PLD4: variants seen among roughly 807,000 people sequenced by gnomAD.
The protein encoded by PLD4 is 5'-3' exonuclease PLD4.
In PLD4, 54 loss-of-function variants were observed where a neutral mutation model predicts 52.3. The observed-to-expected ratio is 1.03, with a 90% confidence interval of 0.83 to 1.30. The LOEUF (loss-of-function observed/expected upper bound fraction) is 1.30, where lower values mean the gene tolerates loss of function less well. PLD4 is among the 50% of genes most tolerant of loss of function. The pLI, the probability that PLD4 is intolerant of heterozygous loss-of-function variation, is 0.00. For synonymous variants in PLD4, 264 were observed against 286.5 expected (o/e 0.92, Z 0.79); for missense variants, 731 against 671.1 (o/e 1.09, Z -0.99).
Position 104,927,245 on chromosome 14 carries a change from C to T in PLD4, c.90+15C>T. The T allele has an allele frequency of 6.5e-7, 1 of 1,527,992 alleles. No individual in the cohort carries two copies. The highest frequency in any genetic ancestry group is 2.5e-5 in the East Asian group (1 of 40,620). 94.7% of individuals were successfully genotyped at this position (1,527,992 alleles called of 1,614,324 possible). ...AGGCTGGCACGGTAGGACTGGGGGG[C>T]CCCAGGGGGGAGGTGGCTGGGATCA... On this transcript the variant is annotated intron_variant, in intron 2 of 10. Coordinates refer to ENST00000392593, the MANE Select transcript of PLD4 (RefSeq NM_138790.5).
rs200388619 is a variant in PLD4 at position 104,931,883 on chromosome 14, C to A, written c.1054C>A (p.Pro352Thr). 98 of 1,540,144 alleles carry A rather than the reference C, an allele frequency of 6.4e-5. No individual in the cohort carries two copies. Among genetic ancestry groups the A allele is most frequent in the Non-Finnish European group, 8.0e-5 (91 of 1,139,774 alleles). Reference protein sequence around the residue: ...YFPTTRFSHPPRYWPVLDNAL... With the variant: ...YFPTTRFSHPTRYWPVLDNAL... Reference sequence around the variant, plus strand: ...CCCCACCACGCGCTTCAGCCACCCCCCGAGGTAGGTCTGAGTGGGAGGTGG... The same window carrying A: ...CCCCACCACGCGCTTCAGCCACCCCACGAGGTAGGTCTGAGTGGGAGGTGG... The change falls in exon 8 of 11, where the codon CCG becomes ACG. Residue 352 changes from proline to threonine, a missense_variant. Transcript: ENST00000392593.
chr14:104,927,343 G>T, intron 2 of PLD4, 113 bp downstream of exon 2: 1 of 963,218 alleles, frequency 1.0e-6, no homozygotes, highest in African/African-American at 1.6e-5. Context: ...AAGCAGAGGT[G>T]CCCTGACTGG....
chr14:104,932,069 C>T lies in PLD4; in HGVS notation c.1116C>T (p.Arg372=). The change falls in exon 9 of 11, where the codon CGC becomes CGT. Residue 372 remains arginine, a synonymous_variant. Transcript: ENST00000392593. This position sits in a 1 kb window ranked among gnomAD's most constrained non-coding sequence, Gnocchi z 6.5. ...CGGCAGCCTTCGGCAAGGGCGTGCG[C>T]GTGCGCCTGCTGGTCGGCTGCGGAC... The part of the protein sequence containing the change: ...LRAAAFGKGV[R]VRLLVGCGLN... The T allele has an allele frequency of 6.2e-7, 1 of 1,608,962 alleles. No individual in the cohort carries two copies. The highest frequency in any genetic ancestry group is 1.1e-5 in the South Asian group (1 of 90,722).
chr14:104,931,773 AG>A lies in PLD4; in HGVS notation c.947del (p.Gly316AlafsTer12). The part of the protein sequence containing the change: ...FSASPPALCP[Q>X]GRTRDLEALL... ...GCGTCGCCACCAGCACTCTGTCCCCAGGGCCGCACCCGGGACCTGGAGGCGC... is the reference window on the plus strand; with the variant it reads ...GCGTCGCCACCAGCACTCTGTCCCCAGGCCGCACCCGGGACCTGGAGGCGC... On this transcript the variant is annotated frameshift_variant, in exon 8 of 11. Transcript: ENST00000392593. LOFTEE classifies it high-confidence loss of function. 1 of 1,588,548 alleles carries A rather than the reference AG, an allele frequency of 6.3e-7. No individual in the cohort carries two copies. The highest frequency in any genetic ancestry group is 8.6e-7 in the Non-Finnish European group (1 of 1,168,718).
intron 6 of PLD4, 82 bp downstream of exon 6, chr14:104,930,187 A>C: frequency 6.4e-7 from 1 of 1,564,760 alleles, no homozygotes; most frequent in Non-Finnish European, 8.7e-7. Flanking sequence ...CTGACATCTC[A>C]GTGCATCTGG....
At chr14:104,934,605 C>T (rs1026773135), downstream of PLD4, 2 of 152,144 alleles carry the variant, frequency 1.3e-5, no homozygotes, top group African/African-American at 4.8e-5. Context: ...CTGAATGGAC[C>T]CCAGGGTGCC....
chr14:104,933,031 C>A lies in PLD4; in HGVS notation c.*67C>A, dbSNP rs1056601110. ...CCCTCCCCTCTGACCCCGGCCTGGG[C>A]TTCAGCCGCTTCCTCCCGCAAGCAG... On this transcript the variant is annotated 3_prime_UTR_variant, in exon 11 of 11. Transcript: ENST00000392593. 1 of 1,446,984 alleles carries A rather than the reference C, an allele frequency of 6.9e-7. No individual in the cohort carries two copies. The highest frequency in any genetic ancestry group is 9.1e-7 in the Non-Finnish European group (1 of 1,095,572). The allele number at this position is 1,446,984 out of a possible 1,614,324, so 89.6% of individuals were successfully genotyped here. A position where few individuals can be genotyped will look rare whatever the true frequency, so the allele number is the denominator to read the frequency against.
rs779064027 is a variant in PLD4 at position 104,927,771 on chromosome 14, G to A, written c.189G>A (p.Val63=). Reference sequence around the variant, plus strand: ...CCCGTCCTCCCACCTGGGGCCAGGTGCAGCCCAAGGACGTGCCCAGGTCCT... The same window carrying A: ...CCCGTCCTCCCACCTGGGGCCAGGTACAGCCCAAGGACGTGCCCAGGTCCT... ...QVPRPPTWGQ[V]QPKDVPRSWE... The change falls in exon 3 of 11, where the codon GTG becomes GTA. Residue 63 remains valine (V), a synonymous_variant. Coordinates refer to ENST00000392593, the MANE Select transcript of PLD4 (RefSeq NM_138790.5). 22 of 1,599,124 alleles carry A rather than the reference G, an allele frequency of 1.4e-5. No individual in the cohort carries two copies. Among genetic ancestry groups the A allele is most frequent in the African/African-American group, 1.2e-4 (9 of 74,816 alleles).
In PLD4 at chr14:104,932,699, G is replaced by A. The variant is rs928613475; in HGVS notation, c.1322-66G>A. On this transcript the variant is annotated intron_variant, in intron 10 of 10. Coordinates refer to ENST00000392593, the MANE Select transcript of PLD4 (RefSeq NM_138790.5). The surrounding 1 kb of genome is among the most constrained non-coding windows in gnomAD (Gnocchi z 6.5). ...CCCCAAACCCGTAGCCGGGCCTGGC[G>A]CTGAGCGGGCTGCAGAGGGGCCTGT... is the stretch of plus-strand genomic sequence containing the variant. 6 of 1,424,986 alleles carry A rather than the reference G, an allele frequency of 4.2e-6. No homozygotes were observed. The highest frequency in any genetic ancestry group is 4.9e-4 in the Middle Eastern group (2 of 4,058). 88.3% of individuals were successfully genotyped at this position (1,424,986 alleles called of 1,614,324 possible).
At position 104,929,910 on chromosome 14, in the gene PLD4, G is replaced by A; in HGVS notation, c.590-68G>A. 1.9e-6 allele frequency: 3 copies of A among 1,573,722 alleles called. No individual in the cohort carries two copies. In the South Asian group the frequency reaches 3.5e-5, roughly 18 times the overall value. ...TCAACCCCACTGTCAAGAGCTTGGG[G>A]TCAGGCTCACCATGAAGCTAGCACT... On this transcript the variant is annotated intron_variant, in intron 5 of 10. Coordinates refer to ENST00000392593, the MANE Select transcript of PLD4 (RefSeq NM_138790.5).
intron 6 of PLD4, 154 bp from the exon 7 acceptor site, chr14:104,930,588 C>G: frequency 2.7e-6 from 2 of 748,526 alleles, no homozygotes; most frequent in South Asian, 1.8e-5. Context: ...CACCAGCACA[C>G]TCTATTACAG....
Position 104,928,985 on chromosome 14 carries a change from A to AG in PLD4, c.468+55dup, listed in dbSNP as rs1241458268. On this transcript the variant is annotated intron_variant, in intron 4 of 10. Transcript: ENST00000392593. ...CCTGGTGCTGGAAACACAGCAAGTCAGGCTGCCTATCTATGCAGGCGTCTC... is the reference window on the plus strand; with the variant it reads ...CCTGGTGCTGGAAACACAGCAAGTCAGGGCTGCCTATCTATGCAGGCGTCTC... 2.5e-5 allele frequency: 39 copies of AG among 1,549,108 alleles called. No individual in the cohort carries two copies. The African/African-American group carries it at 4.9e-4, about 19-fold the overall frequency.
chr14:104,927,973 T>C, intron 3 of PLD4, 107 bp downstream of exon 3: 1 of 1,279,216 alleles, frequency 7.8e-7, no homozygotes, highest in Non-Finnish European at 1.0e-6. Context: ...CTCTACCAGC[T>C]CCTCCAGGAA....
chr14:104,931,049 C>A, intron 7 of PLD4, 107 bp downstream of exon 7: 1 of 1,319,654 alleles, frequency 7.6e-7, no homozygotes, highest in Non-Finnish European at 1.1e-6. Flanking sequence ...GCAGCATCAG[C>A]TGGGTCCTCA....
intron 3 of PLD4, among the ~76,000 whole-genome samples, chr14:104,928,158 A>G (rs1245595382): frequency 2.0e-5 from 3 of 151,930 alleles, no homozygotes; most frequent in African/African-American, 7.3e-5. Flanking sequence ...CCCTGGGGGT[A>G]ATGTCACTGT....
chr14:104,925,962 C>G (rs552888712), intron 1 of PLD4, among the ~76,000 whole-genome samples: 2 of 152,278 alleles, frequency 1.3e-5, no homozygotes, highest in East Asian at 1.9e-4. Context: ...AGTCCAGGCC[C>G]GACTCCTGTG....
Position 104,927,778 on chromosome 14 carries a change from A to G in PLD4, c.196A>G (p.Lys66Glu), listed in dbSNP as rs754217481. ...TCCCACCTGGGGCCAGGTGCAGCCC[A>G]AGGACGTGCCCAGGTCCTGGGAGCA... is the stretch of plus-strand genomic sequence containing the variant. ...RPPTWGQVQP[K>E]DVPRSWEHGS... Residue 66 changes from lysine (K) to glutamate (E), a missense_variant, in exon 3 of 11, where the codon AAG (lysine) becomes GAG (glutamate). Lys to Glu is a moderately conservative substitution (Grantham distance 56, BLOSUM62 1). Coordinates refer to ENST00000392593, the MANE Select transcript of PLD4 (RefSeq NM_138790.5). The G allele has an allele frequency of 6.3e-7, 1 of 1,599,302 alleles. No individual in the cohort carries two copies. Among genetic ancestry groups the G allele is most frequent in the Non-Finnish European group, 8.5e-7 (1 of 1,177,382 alleles).
At chr14:104,934,386 A>C (rs574665412), downstream of PLD4, 1 of 152,308 alleles carries the variant, frequency 6.6e-6, no homozygotes, top group South Asian at 2.1e-4. Flanking sequence ...CCTGTCCTGC[A>C]GATGCAGGAT....
intron 4 of PLD4, 40 bp from the exon 5 acceptor site, chr14:104,929,267 C>T: frequency 6.3e-7 from 1 of 1,578,220 alleles, no homozygotes; most frequent in Non-Finnish European, 8.6e-7. Context: ...GAGGAGAGGG[C>T]AGCCTGAGGT....
Sources: gnomAD v4.1 joint callset for allele counts (sites outside exome capture counted in the v4.1 genomes callset) on GRCh38, gnomAD v4.1.1 for gene constraint, Gnocchi (gnomAD v3.1) non-coding constraint, MANE v1.5 for transcripts, NCBI Gene and HGNC (gene_info 2026-07-23, HGNC 2026-07-21) for gene names.